DMD: variants seen among roughly 807,000 people sequenced by gnomAD.
DMD encodes the protein mutant dystrophin.
Under a neutral mutation model 330.1 loss-of-function variants are expected in DMD, and 63 were observed. The observed-to-expected ratio is 0.19, with a 90% CI of 0.16 to 0.24. The LOEUF (loss-of-function observed/expected upper bound fraction) is 0.24. Among genes scored for constraint, DMD ranks in the 10% least tolerant of loss-of-function variants. The pLI is 1.00. For synonymous variants in DMD, 1,223 were observed against 959.8 expected, an observed-to-expected ratio of 1.27 and a Z score of -5.07; for missense variants, 3,344 against 2,684.1, an observed-to-expected ratio of 1.25 and a Z score of -5.43.
intron 1 of DMD, among the ~76,000 whole-genome samples, chrX:33,267,434 C>T (rs2053063267): frequency 9.0e-6 from 1 of 111,145 alleles, no homozygotes; most frequent in African/African-American, 3.3e-5. Context: ...CACAAAACAA[C>T]TTATAGATTC....
At chrX:32,596,440 G>C (rs1406696243) in intron 12 of DMD, among the ~76,000 whole-genome samples, 2 of 111,587 alleles carry the variant, frequency 1.8e-5, no homozygotes, top group Non-Finnish European at 3.8e-5. Flanking sequence ...ATAACCATTT[G>C]TTATAGCGTC....
intron 7 of DMD, among the ~76,000 whole-genome samples, chrX:32,756,603 A>G (rs1420931235): frequency 9.0e-6 from 1 of 110,813 alleles, no homozygotes; most frequent in Admixed American, 9.6e-5. Flanking sequence ...CTCCTTGTGG[A>G]TCAATTTGGG....
chrX:32,849,675 G>C, intron 3 of DMD, 53 bp downstream of exon 3: 8 of 917,231 alleles, frequency 8.7e-6, no homozygotes, highest in Admixed American at 4.4e-5. Flanking sequence ...TCAGTTTCTG[G>C]TCTGAAATTC....
At chrX:32,671,715 T>A (rs1321491166) in intron 9 of DMD, among the ~76,000 whole-genome samples, 1 of 112,173 alleles carries the variant, frequency 8.9e-6, no homozygotes, top group Non-Finnish European at 1.9e-5. Flanking sequence ...AAGAGCTTCA[T>A]TTTATTCAGC....
At chrX:31,643,601 A>C (rs2148520795) in intron 54 of DMD, among the ~76,000 whole-genome samples, 1 of 112,111 alleles carries the variant, frequency 8.9e-6, no homozygotes, top group African/African-American at 3.2e-5. Context: ...TTAGTGAAAT[A>C]TGTGCTCAAA....
intron 61 of DMD, among the ~76,000 whole-genome samples, chrX:31,344,875 A>ACG (rs1556533150): frequency 9.0e-6 from 1 of 110,989 alleles, no homozygotes; most frequent in Non-Finnish European, 1.9e-5. Context: ...ACACACACAC[A>ACG]CACGCAACCA....
chrX:31,341,891 G>GCACGCGCGCGCACACACACA (rs1556527378), intron 61 of DMD, among the ~76,000 whole-genome samples: 1 of 98,876 alleles, frequency 1.0e-5, no homozygotes, highest in Non-Finnish European at 2.0e-5. Flanking sequence ...GTGCGCGCGC[G>GCACGCGCGCGCACACACACA]CACACACACA....
chrX:32,078,946 C>T (rs551711478), intron 44 of DMD, among the ~76,000 whole-genome samples: 2 of 111,779 alleles, frequency 1.8e-5, no homozygotes, highest in South Asian at 7.5e-4. Flanking sequence ...ATGTTTCTCC[C>T]ATATATTTAC....
intron 1 of DMD, among the ~76,000 whole-genome samples, chrX:33,295,758 G>A (rs1271072738): frequency 9.0e-6 from 1 of 110,963 alleles, no homozygotes; most frequent in Non-Finnish European, 1.9e-5. Flanking sequence ...ATTTCCACAG[G>A]GATGTTGTAA....
chrX:32,848,917 G>A (rs1379382215), intron 3 of DMD, among the ~76,000 whole-genome samples: 1 of 110,604 alleles, frequency 9.0e-6, no homozygotes. Context: ...GGCAGGCTGG[G>A]GTAGATAGGA....
chrX:32,948,999 C>G (rs1212240359), intron 2 of DMD, among the ~76,000 whole-genome samples: 1 of 110,881 alleles, frequency 9.0e-6, no homozygotes, highest in Admixed American at 9.7e-5. Context: ...CATTTAACAT[C>G]AAAAACATTT....
intron 50 of DMD, among the ~76,000 whole-genome samples, chrX:31,803,703 T>C (rs1448393475): frequency 2.4e-5 from 2 of 82,706 alleles, no homozygotes; most frequent in African/African-American, 4.1e-5. Flanking sequence ...TCTCTCTCTT[T>C]CTTTTTATTT....
intron 1 of DMD, 142 bp downstream of exon 1, chrX:33,211,138 CAT>C: frequency 6.4e-6 from 4 of 629,299 alleles, no homozygotes; most frequent in Non-Finnish European, 9.4e-6. Context: ...TGAATAAATA[CAT>C]ATATATATGC....
At chrX:32,188,039 A>C (rs918248946) in intron 44 of DMD, among the ~76,000 whole-genome samples, 1 of 111,141 alleles carries the variant, frequency 9.0e-6, no homozygotes, top group Non-Finnish European at 1.9e-5. Flanking sequence ...TTCTGCCAAA[A>C]GACAGATAAA....
chrX:32,125,406 G>T, intron 44 of DMD, among the ~76,000 whole-genome samples: 2 of 111,869 alleles, frequency 1.8e-5, no homozygotes, highest in Middle Eastern at 9.2e-3. Context: ...CACTGGGATG[G>T]AGGAACCTGG....
intron 60 of DMD, among the ~76,000 whole-genome samples, chrX:31,399,523 T>C (rs1406268578): frequency 9.1e-6 from 1 of 110,140 alleles, no homozygotes; most frequent in Non-Finnish European, 1.9e-5. Context: ...CTTTGGGCCA[T>C]GGTTCCAGGC....
intron 55 of DMD, among the ~76,000 whole-genome samples, chrX:31,589,579 C>T (rs2076774863): frequency 1.8e-5 from 2 of 111,441 alleles, no homozygotes; most frequent in South Asian, 3.7e-4. Flanking sequence ...TCACAGATCA[C>T]CTTCAAAAAT....
At chrX:32,455,811 A>G (rs970491790) in intron 25 of DMD, among the ~76,000 whole-genome samples, 5 of 111,462 alleles carry the variant, frequency 4.5e-5, no homozygotes, top group African/African-American at 1.3e-4. Flanking sequence ...GTAAAATGCA[A>G]GTTGCAAAAG....
At chrX:31,131,500 A>G (rs1306864170) in intron 77 of DMD, among the ~76,000 whole-genome samples, 1 of 111,677 alleles carries the variant, frequency 9.0e-6, no homozygotes, top group Non-Finnish European at 1.9e-5. Context: ...TTGTGATGTA[A>G]AATGTTCCTC....
Sources: gnomAD v4.1 joint callset for allele counts (sites outside exome capture counted in the v4.1 genomes callset) on GRCh38, gnomAD v4.1.1 for gene constraint, MANE v1.5 for transcripts, NCBI Gene and HGNC (gene_info 2026-07-23, HGNC 2026-07-21) for gene names.